The following THSD7B variants were observed in gnomAD, a reference collection of about 807,000 sequenced individuals.
THSD7B encodes the protein thrombospondin type 1 domain containing 7B.
Under a neutral mutation model 213.6 loss-of-function variants are expected in THSD7B, and 138 were observed. The observed-to-expected ratio is 0.65, with a 90% CI of 0.56 to 0.74. The LOEUF is 0.74. Among genes scored for constraint, THSD7B ranks in the 30% least tolerant of loss-of-function variants. The pLI is 0.00. For missense variants in THSD7B, 1,931 were observed against 1,991.5 expected, an observed-to-expected ratio of 0.97 and a Z score of 0.58; for synonymous variants, 742 against 687.0, an observed-to-expected ratio of 1.08 and a Z score of -1.25.
chr2:137,472,618 A>C (rs929664804), intron 15 of THSD7B, among the ~76,000 whole-genome samples: 5 of 152,190 alleles, frequency 3.3e-5, no homozygotes, highest in Admixed American at 1.3e-4. Context: ...GTTTTAGTAA[A>C]GGATATGAAC....
chr2:137,548,410 G>A (rs1351962754), intron 15 of THSD7B, among the ~76,000 whole-genome samples: 3 of 151,826 alleles, frequency 2.0e-5, no homozygotes. Context: ...TTATTCCATA[G>A]CTATCACCTC....
intron 2 of THSD7B, among the ~76,000 whole-genome samples, chr2:136,965,801 T>G (rs1685304345): frequency 6.6e-6 from 1 of 152,194 alleles, no homozygotes; most frequent in Admixed American, 6.5e-5. Flanking sequence ...CCTTTAGGTT[T>G]TTATTTTATT....
At chr2:137,591,349 T>A (rs1030107153) in intron 17 of THSD7B, among the ~76,000 whole-genome samples, 2 of 151,954 alleles carry the variant, frequency 1.3e-5, no homozygotes, top group African/African-American at 4.8e-5. Context: ...GGTAAGGTTT[T>A]GACTCTGACC....
intron 10 of THSD7B, among the ~76,000 whole-genome samples, chr2:137,252,770 T>C (rs915636616): frequency 5.3e-5 from 8 of 152,094 alleles, no homozygotes; most frequent in South Asian, 2.1e-4. Context: ...CACGGGGAGG[T>C]TGGCCTTTCC....
intron 12 of THSD7B, among the ~76,000 whole-genome samples, chr2:137,323,655 G>A (rs756071927): frequency 3.3e-5 from 5 of 152,102 alleles, no homozygotes; most frequent in African/African-American, 7.2e-5. Flanking sequence ...AAATAGTAGC[G>A]ACTAAGTGAG....
chr2:137,139,345 T>C (rs1181441637), intron 5 of THSD7B, among the ~76,000 whole-genome samples: 4 of 152,108 alleles, frequency 2.6e-5, no homozygotes, highest in Admixed American at 6.6e-5. Flanking sequence ...ATAGATTATA[T>C]CTCTGAAAAA....
At chr2:137,618,536 C>T in intron 19 of THSD7B, 29 bp downstream of exon 19, 1 of 1,591,316 alleles carries the variant, frequency 6.3e-7, no homozygotes, top group Non-Finnish European at 8.6e-7. Context: ...TATCTCACAT[C>T]CAAGGCTTTG....
chr2:137,349,901 T>C (rs1369943894), intron 12 of THSD7B, among the ~76,000 whole-genome samples: 1 of 151,838 alleles, frequency 6.6e-6, no homozygotes, highest in Non-Finnish European at 1.5e-5. Flanking sequence ...AGATAAAGCA[T>C]CAGGTGTGAC....
Position 137,656,850 on chromosome 2 carries a change from T to C in THSD7B, c.4160T>C (p.Ile1387Thr). 2.5e-6 allele frequency: 4 copies of C among 1,613,992 alleles called. No individual in the cohort carries two copies. The highest frequency in any genetic ancestry group is 1.3e-5 in the African/African-American group (1 of 75,040). The change falls in exon 23 of 28, where the codon ATT becomes ACT. Residue 1387 changes from isoleucine (I) to threonine (T), a missense_variant. Coordinates refer to ENST00000409968, the MANE Select transcript of THSD7B (RefSeq NM_001316349.2). Reference protein sequence around the residue: ...SEWSTCELTCIDGRSFETVGR... With the variant: ...SEWSTCELTCTDGRSFETVGR... Reference sequence around the variant, plus strand: ...TGGAGCACATGTGAATTAACCTGCATTGATGGAAGAAGCTTTGAGACTGTG... The same window carrying C: ...TGGAGCACATGTGAATTAACCTGCACTGATGGAAGAAGCTTTGAGACTGTG...
intron 2 of THSD7B, among the ~76,000 whole-genome samples, chr2:137,035,346 C>T (rs1378666618): frequency 3.9e-5 from 6 of 152,086 alleles, no homozygotes; most frequent in Admixed American, 1.3e-4. Context: ...GCATGAGGAG[C>T]TCTCCTTTTT....
chr2:137,358,338 C>T (rs569335172), intron 12 of THSD7B, among the ~76,000 whole-genome samples: 1 of 152,236 alleles, frequency 6.6e-6, no homozygotes, highest in South Asian at 2.1e-4. Flanking sequence ...TATAACTGAC[C>T]TTACAGTCTC....
intron 27 of THSD7B, among the ~76,000 whole-genome samples, chr2:137,673,367 G>GGAA (rs1293770110): frequency 5.3e-5 from 8 of 152,308 alleles, no homozygotes; most frequent in African/African-American, 1.9e-4. Context: ...AGTGCTGTTA[G>GGAA]GAAGAATGAT....
At chr2:137,324,528 A>C (rs1049279240) in intron 12 of THSD7B, among the ~76,000 whole-genome samples, 5 of 152,100 alleles carry the variant, frequency 3.3e-5, no homozygotes, top group Non-Finnish European at 5.9e-5. Context: ...ACAAAAAAAA[A>C]CCTCTGTAGT....
intron 15 of THSD7B, among the ~76,000 whole-genome samples, chr2:137,520,052 G>A (rs1439541887): frequency 6.6e-6 from 1 of 152,142 alleles, no homozygotes; most frequent in Non-Finnish European, 1.5e-5. Flanking sequence ...GATGCTAAAA[G>A]GTAAAGACTT....
intron 2 of THSD7B, among the ~76,000 whole-genome samples, chr2:137,019,229 G>A (rs1466214440): frequency 6.6e-6 from 1 of 152,124 alleles, no homozygotes; most frequent in Non-Finnish European, 1.5e-5. Context: ...ACCCTGCTAA[G>A]GAGTTACTGT....
chr2:137,130,552 C>T (rs572201811), intron 5 of THSD7B, among the ~76,000 whole-genome samples: 263 of 138,882 alleles, frequency 1.9e-3, no homozygotes, highest in African/African-American at 6.8e-3. Context: ...CAGCAGTCCC[C>T]AGAGTGTGAT....
chr2:137,639,011 A>T (rs538624449), intron 20 of THSD7B, among the ~76,000 whole-genome samples: 71 of 147,800 alleles, frequency 4.8e-4, no homozygotes, highest in African/African-American at 1.6e-3. Flanking sequence ...AGAAAAAGCC[A>T]TTTTTTTTTT....
In THSD7B at chr2:137,099,456, A is replaced by T. The variant is rs115335553; in HGVS notation, c.1199+4335A>T. On this transcript the variant is annotated intron_variant, in intron 4 of 27. Coordinates refer to ENST00000409968, the MANE Select transcript of THSD7B (RefSeq NM_001316349.2). ...AAATGCTTCATGTCAGAGAGCTGAGACACAGCCTGATTCTGGAACAGCTAT... is the reference window on the plus strand; with the variant it reads ...AAATGCTTCATGTCAGAGAGCTGAGTCACAGCCTGATTCTGGAACAGCTAT... Among the ~76,000 whole-genome samples, 192 of 152,344 alleles carry T rather than the reference A, an allele frequency of 1.3e-3. 2 individuals carry two copies. The highest frequency in any genetic ancestry group is 4.3e-3 in the African/African-American group (180 of 41,586).
chr2:137,171,494 T>G (rs950114777), intron 7 of THSD7B, among the ~76,000 whole-genome samples: 3 of 152,222 alleles, frequency 2.0e-5, no homozygotes, highest in African/African-American at 7.2e-5. Flanking sequence ...AATGATGTCT[T>G]TCCTCAATCA....
Sources: allele counts gnomAD v4.1 joint callset (sites outside exome capture counted in the v4.1 genomes callset), GRCh38; gene constraint gnomAD v4.1.1; transcripts MANE v1.5; gene names NCBI Gene and HGNC (gene_info 2026-07-23, HGNC 2026-07-21).